Variants in STIM1 observed in about 807,000 individuals in gnomAD.
STIM1 encodes stromal interaction molecule 1.
STIM1 carries 25 observed loss-of-function variants against 74.7 expected under a neutral mutation model. That is an observed-to-expected ratio of 0.33 (90% CI 0.24 to 0.47). The LOEUF is 0.47. STIM1 is among the 20% of genes least tolerant of loss of function. The pLI, the probability that STIM1 is intolerant of heterozygous loss-of-function variation, is 1.00. For synonymous variants in STIM1, 328 were observed against 348.8 expected, an observed-to-expected ratio of 0.94 and a Z score of 0.66; for missense variants, 728 against 920.8, an observed-to-expected ratio of 0.79 and a Z score of 2.71.
At chr11:3,984,722 A>C (rs923890857) in intron 2 of STIM1, among the ~76,000 whole-genome samples, 1 of 152,212 alleles carries the variant, frequency 6.6e-6, no homozygotes, top group South Asian at 2.1e-4. Context: ...CCTGGGTTCA[A>C]ATCCAAACCT....
intron 1 of STIM1, chr11:3,961,166 C>CTAATTTTTGTA (rs1565128965): frequency 1.9e-5 from 3 of 154,902 alleles, no homozygotes; most frequent in African/African-American, 7.5e-5. Flanking sequence ...CCATGCTTGG[C>CTAATTTTTGTA]TTTTATAGAG....
chr11:4,051,091 T>A (rs1248634738), intron 3 of STIM1, among the ~76,000 whole-genome samples: 1 of 151,028 alleles, frequency 6.6e-6, no homozygotes, highest in East Asian at 1.9e-4. Flanking sequence ...TACCTTTTAT[T>A]GAAAAAAAAA....
chr11:3,939,770 T>C (rs1268652845), intron 1 of STIM1, among the ~76,000 whole-genome samples: 3 of 152,172 alleles, frequency 2.0e-5, no homozygotes, highest in African/African-American at 7.2e-5. Context: ...CAAGGAAGAT[T>C]CTTTGTTTCC....
chr11:3,895,608 C>CTCTTTCTTTCTT (rs1157112648), intron 1 of STIM1, among the ~76,000 whole-genome samples: 40 of 53,112 alleles, frequency 7.5e-4, no homozygotes, highest in East Asian at 2.4e-3. Flanking sequence ...TTCTTTCTCT[C>CTCTTTCTTTCTT]TCTTTCTTTC....
chr11:3,995,376 C>T (rs532399994), intron 2 of STIM1, among the ~76,000 whole-genome samples: 2 of 152,004 alleles, frequency 1.3e-5, no homozygotes, highest in South Asian at 2.1e-4. Context: ...GTGGTTGATC[C>T]CCCTCCTCCC....
At chr11:4,051,382 A>C (rs1246470244) in intron 3 of STIM1, among the ~76,000 whole-genome samples, 2 of 149,554 alleles carry the variant, frequency 1.3e-5, no homozygotes, top group Non-Finnish European at 3.0e-5. Context: ...TTGCTCTGTC[A>C]CTCAGGCTGG....
At chr11:3,934,597 G>A (rs1356542437) in intron 1 of STIM1, among the ~76,000 whole-genome samples, 1 of 152,212 alleles carries the variant, frequency 6.6e-6, no homozygotes, top group African/African-American at 2.4e-5. Context: ...GGAGACTAGA[G>A]TCTCAAAAAT....
chr11:4,071,985 T>C (rs1284283368), intron 6 of STIM1, among the ~76,000 whole-genome samples: 1 of 152,210 alleles, frequency 6.6e-6, no homozygotes, highest in Non-Finnish European at 1.5e-5. Context: ...GGGCCCCTTG[T>C]TCTTGGGCCC....
intron 1 of STIM1, among the ~76,000 whole-genome samples, chr11:3,861,766 G>A (rs2090621108): frequency 6.6e-6 from 1 of 152,152 alleles, no homozygotes; most frequent in African/African-American, 2.4e-5. Context: ...AAATTCACAG[G>A]CCTCCTGAAT....
intron 10 of STIM1, 76 bp from the exon 11 acceptor site, chr11:4,084,597 T>A (rs1214103930): frequency 8.4e-7 from 1 of 1,194,782 alleles, no homozygotes; most frequent in African/African-American, 1.6e-5. Flanking sequence ...AGCCCTTCCT[T>A]TATTACATTG....
At chr11:3,881,442 C>T (rs1322817773) in intron 1 of STIM1, among the ~76,000 whole-genome samples, 2 of 151,956 alleles carry the variant, frequency 1.3e-5, no homozygotes, top group African/African-American at 4.8e-5. Flanking sequence ...ATGATCTCGG[C>T]TCACTGCCAG....
chr11:3,950,421 T>C (rs2093132387), intron 1 of STIM1, among the ~76,000 whole-genome samples: 2 of 152,174 alleles, frequency 1.3e-5, no homozygotes, highest in South Asian at 4.1e-4. Context: ...CATGAGCCAC[T>C]GTGCCTGGCT....
intron 2 of STIM1, among the ~76,000 whole-genome samples, chr11:3,987,005 T>A (rs1311348014): frequency 6.6e-6 from 1 of 152,194 alleles, no homozygotes; most frequent in Non-Finnish European, 1.5e-5. Flanking sequence ...AGCCACTTGG[T>A]GTCTTGAGGA....
intron 1 of STIM1, among the ~76,000 whole-genome samples, chr11:3,865,209 A>G (rs2135234134): frequency 6.6e-6 from 1 of 152,300 alleles, no homozygotes; most frequent in South Asian, 2.1e-4. Context: ...AGTATGTGAA[A>G]GCTGGAAGGG....
intron 1 of STIM1, among the ~76,000 whole-genome samples, chr11:3,924,013 A>T (rs1036181285): frequency 7.2e-5 from 11 of 151,762 alleles, no homozygotes; most frequent in Non-Finnish European, 1.3e-4. Flanking sequence ...TTATTTATTT[A>T]TTTTTTAAAT....
rs535833283 is a variant in STIM1, at chr11:3,950,866, T to C, written c.140-16686T>C. Among the ~76,000 whole-genome samples, 5 of 152,122 alleles carry C rather than the reference T, an allele frequency of 3.3e-5. No individual in the cohort carries two copies. The South Asian group carries it at 1.0e-3, about 32-fold the overall frequency. On this transcript the variant is annotated intron_variant, in intron 1 of 12. Transcript: ENST00000526596. ...GCTGATCTTGAACTCCTAGCTCAAG[T>C]GATCCTCCGCCTCAGTCTCTCAAAG...
chr11:4,074,464 T>C, intron 6 of STIM1, 38 bp from the exon 7 acceptor site: 1 of 1,611,860 alleles, frequency 6.2e-7, no homozygotes, highest in Non-Finnish European at 8.5e-7. Context: ...GGCACCCCCT[T>C]GCCTGGCCTC....
At chr11:3,895,608 C>CTCTCTTTCTT (rs1565104460) in intron 1 of STIM1, among the ~76,000 whole-genome samples, 19 of 53,116 alleles carry the variant, frequency 3.6e-4, no homozygotes, top group East Asian at 8.0e-4. Flanking sequence ...TTCTTTCTCT[C>CTCTCTTTCTT]TCTTTCTTTC....
At chr11:3,880,702 T>C (rs2091468466) in intron 1 of STIM1, among the ~76,000 whole-genome samples, 2 of 152,136 alleles carry the variant, frequency 1.3e-5, no homozygotes, top group Admixed American at 1.3e-4. Flanking sequence ...CATCGTGCGA[T>C]GGTTATATCT....
Sources: allele counts gnomAD v4.1 joint callset (sites outside exome capture counted in the v4.1 genomes callset), GRCh38; gene constraint gnomAD v4.1.1; transcripts MANE v1.5; gene names NCBI Gene and HGNC (gene_info 2026-07-23, HGNC 2026-07-21).